XRCC3: variants seen among roughly 807,000 people sequenced by gnomAD.
XRCC3 encodes X-ray repair cross complementing 3.
A neutral mutation model predicts 29.2 loss-of-function variants in XRCC3; 34 were observed. The observed-to-expected ratio is 1.16, with a 90% CI of 0.88 to 1.55. XRCC3 has a LOEUF of 1.55. Ranked by LOEUF, XRCC3 falls within the 40% of genes most tolerant of loss-of-function variation. The probability of loss-of-function intolerance (pLI) is 0.00; values close to 1 mark genes in which losing one functional copy is unlikely to be tolerated. For synonymous variants in XRCC3, 223 were observed against 211.3 expected, an observed-to-expected ratio of 1.06 and a Z score of -0.48; for missense variants, 463 against 467.6, an observed-to-expected ratio of 0.99 and a Z score of 0.09.
intron 4 of XRCC3, 180 bp from the exon 5 acceptor site, chr14:103,708,839 G>A (rs1358386592): frequency 1.2e-5 from 9 of 758,014 alleles, no homozygotes; most frequent in Non-Finnish European, 2.0e-5. Context: ...TGTGGCCGAT[G>A]CACAGGCACG....
At chr14:103,711,879 C>T (rs987727054) in intron 2 of XRCC3, 2 of 363,388 alleles carry the variant, frequency 5.5e-6, no homozygotes, top group African/African-American at 4.3e-5. Context: ...ATGGTGAGAC[C>T]AAGAGTGTCC....
intron 5 of XRCC3, chr14:103,708,290 C>A: frequency 1.6e-6 from 1 of 615,350 alleles, no homozygotes; most frequent in Non-Finnish European, 2.8e-6. Flanking sequence ...GGAGCAAGGT[C>A]CCCAGGAGGT....
intron 6 of XRCC3, chr14:103,706,329 C>T (rs994335539): frequency 2.2e-5 from 10 of 455,902 alleles, no homozygotes; most frequent in African/African-American, 8.0e-5. Context: ...GGAAGTGAGC[C>T]TAGCAGATGT....
chr14:103,702,001 G>A (rs946058782), intron 7 of XRCC3: 4 of 152,268 alleles, frequency 2.6e-5, no homozygotes, highest in African/African-American at 9.7e-5. Context: ...ACTTGCCTTT[G>A]GTCAGGGGTT....
chr14:103,700,446 A>G (rs3212103), intron 7 of XRCC3: 117,232 of 480,014 alleles, frequency 0.24, 16,323 homozygotes, highest in East Asian at 0.53. Flanking sequence ...GGGGAGGGTG[A>G]CACAGCTGCT....
intron 2 of XRCC3, 71 bp from the exon 3 acceptor site, chr14:103,711,638 C>G (rs1457811755): frequency 2.2e-6 from 1 of 456,304 alleles, no homozygotes. Flanking sequence ...TCGCCCCCAG[C>G]AGCCAACAGC....
intron 4 of XRCC3, chr14:103,709,196 G>C (rs1302076419): frequency 4.5e-6 from 1 of 224,188 alleles, no homozygotes; most frequent in East Asian, 1.1e-4. Flanking sequence ...GCAGGGGGCA[G>C]AGCATGTGCG....
chr14:103,708,196 T>A, intron 5 of XRCC3: 1 of 417,208 alleles, frequency 2.4e-6, no homozygotes, highest in Non-Finnish European at 4.5e-6. Context: ...TCTCACACCG[T>A]TCCCACCCTG....
intron 6 of XRCC3, 60 bp from the exon 7 acceptor site, chr14:103,703,387 A>G (rs1211004031): frequency 6.6e-7 from 1 of 1,505,706 alleles, no homozygotes. Flanking sequence ...TGACTGCCAC[A>G]CAAATCAAGT....
intron 4 of XRCC3, 38 bp from the exon 5 acceptor site, chr14:103,708,697 C>T: frequency 1.2e-6 from 2 of 1,613,482 alleles, no homozygotes; most frequent in Non-Finnish European, 1.7e-6. Flanking sequence ...AAATGTCAGA[C>T]TGTCACAACG....
At chr14:103,711,687 G>A in intron 2 of XRCC3, 120 bp from the exon 3 acceptor site, 1 of 456,260 alleles carries the variant, frequency 2.2e-6, no homozygotes, top group Non-Finnish European at 4.4e-6. Context: ...AAGGTGCTGT[G>A]GACCCCACCC....
At chr14:103,701,314 AT>A in intron 7 of XRCC3, 1 of 1,134,416 alleles carries the variant, frequency 8.8e-7, no homozygotes, top group Non-Finnish European at 1.3e-6. Flanking sequence ...GCGCTCACTC[AT>A]TTCTCCTGCG....
At chr14:103,700,363 G>A in intron 7 of XRCC3, 1 of 380,954 alleles carries the variant, frequency 2.6e-6, no homozygotes, top group Non-Finnish European at 4.7e-6. Context: ...TGCTGCCGTG[G>A]CCTGTGGGTG....
intron 5 of XRCC3, 179 bp from the exon 6 acceptor site, chr14:103,707,394 C>T (rs948766532): frequency 1.3e-5 from 10 of 752,846 alleles, no homozygotes; most frequent in African/African-American, 3.4e-5. Context: ...CCGGGAAGGG[C>T]GGGTGCACCT....
chr14:103,701,273 C>CT (rs2083178468), intron 7 of XRCC3: 1 of 1,507,514 alleles, frequency 6.6e-7, no homozygotes, highest in Non-Finnish European at 9.0e-7. Flanking sequence ...ACAGCCAGGG[C>CT]GGCAGGGAGG....
chr14:103,708,722 G>A lies in XRCC3; in HGVS notation c.56-63C>T. The A allele has an allele frequency of 1.9e-6, 3 of 1,607,310 alleles. No individual in the cohort carries two copies. In the South Asian group the frequency reaches 3.3e-5, roughly 18 times the overall value. On this transcript the variant is annotated intron_variant, in intron 4 of 9. Transcript: ENST00000555055. ...CTGTCACAACGCAGGGCAACACAGT[G>A]ACAAAAGGTGCTTTGTTAAGAGCAC...
At chr14:103,703,416 T>G in intron 6 of XRCC3, 89 bp from the exon 7 acceptor site, 35 of 1,412,834 alleles carry the variant, frequency 2.5e-5, no homozygotes, top group Non-Finnish European at 3.3e-5. Flanking sequence ...CTCCCGCCAT[T>G]TCTAACTCTC....
intron 6 of XRCC3, chr14:103,706,557 G>C (rs900783884): frequency 7.9e-6 from 3 of 381,720 alleles, no homozygotes; most frequent in Admixed American, 6.4e-5. Context: ...GTCCAATGCA[G>C]GGAACCCTCG....
chr14:103,705,445 G>T (rs1285730377), intron 6 of XRCC3: 1 of 152,398 alleles, frequency 6.6e-6, no homozygotes, highest in African/African-American at 2.4e-5. Flanking sequence ...CGGGGCCCCA[G>T]CAGGCCTGGG....
Sources: allele counts gnomAD v4.1 joint callset, GRCh38; gene constraint gnomAD v4.1.1; transcripts MANE v1.5; gene names NCBI Gene and HGNC (gene_info 2026-07-23, HGNC 2026-07-21).